Variants in PDE4D observed in about 807,000 individuals in gnomAD.
The protein encoded by PDE4D is phosphodiesterase 4D, also known as 3',5'-cyclic-AMP phosphodiesterase 4D.
PDE4D carries 24 observed loss-of-function variants against 87.4 expected under a neutral mutation model. The ratio of observed to expected loss-of-function variants is 0.27; its 90% CI spans 0.20 to 0.39. The LOEUF (loss-of-function observed/expected upper bound fraction) is 0.39, where lower values mean the gene tolerates loss of function less well. Ranked by LOEUF, PDE4D falls within the 10% of genes least tolerant of loss-of-function variation. PDE4D has a pLI of 1.00. For synonymous variants in PDE4D, 384 were observed against 383.2 expected, an observed-to-expected ratio of 1.00 and a Z score of -0.02; for missense variants, 714 against 1,041.0, an observed-to-expected ratio of 0.69 and a Z score of 4.32.
chr5:60,062,750 T>C (rs1247354489), intron 2 of PDE4D, among the ~76,000 whole-genome samples: 1 of 151,928 alleles, frequency 6.6e-6, no homozygotes, highest in East Asian at 1.9e-4. Flanking sequence ...TAGGAATGAG[T>C]TCATGTCCTT....
At chr5:60,214,562 C>T (rs144611829) in intron 1 of PDE4D, among the ~76,000 whole-genome samples, 115 of 151,998 alleles carry the variant, frequency 7.6e-4, no homozygotes, top group African/African-American at 2.6e-3. Flanking sequence ...TATCTTAATA[C>T]TTGAAGAAGA....
chr5:59,909,499 G>C (rs1229307988), intron 3 of PDE4D, among the ~76,000 whole-genome samples: 3 of 151,734 alleles, frequency 2.0e-5, no homozygotes, highest in Non-Finnish European at 4.4e-5. Context: ...GGCCTCAATC[G>C]ATCCTCCCAC....
intron 1 of PDE4D, among the ~76,000 whole-genome samples, chr5:59,819,784 T>C (rs1471633198): frequency 6.6e-6 from 1 of 152,112 alleles, no homozygotes; most frequent in Non-Finnish European, 1.5e-5. Flanking sequence ...TGAAATTAAG[T>C]GGGAGAGGAG....
intron 2 of PDE4D, among the ~76,000 whole-genome samples, chr5:60,159,060 A>C (rs1398457112): frequency 6.6e-6 from 1 of 152,168 alleles, no homozygotes; most frequent in African/African-American, 2.4e-5. Flanking sequence ...TTATTCTGTA[A>C]GTTTTTTCTA....
intron 1 of PDE4D, among the ~76,000 whole-genome samples, chr5:60,501,821 T>A (rs973923717): frequency 8.5e-5 from 13 of 152,254 alleles, no homozygotes; most frequent in African/African-American, 2.4e-4. Flanking sequence ...TGTCTGTTCG[T>A]GTCCTTCGCC....
rs567557211 is a variant in PDE4D, at chr5:59,214,987, G to A, written c.647+790C>T. Among the ~76,000 whole-genome samples the A allele has an allele frequency of 2.2e-4, 33 of 152,272 alleles. No homozygotes were observed. In the South Asian group the frequency reaches 5.8e-3, roughly 27 times the overall value. On this transcript the variant is annotated intron_variant, in intron 2 of 14. Transcript: ENST00000340635. Reference sequence around the variant, plus strand: ...AGATGGTGAATGTTATTGGACAAATGTATAGACCAAGAGAGAAAGATGAAG... The same window carrying A: ...AGATGGTGAATGTTATTGGACAAATATATAGACCAAGAGAGAAAGATGAAG...
At chr5:59,557,682 T>C (rs1819197125) in intron 1 of PDE4D, among the ~76,000 whole-genome samples, 1 of 152,238 alleles carries the variant, frequency 6.6e-6, no homozygotes, top group Non-Finnish European at 1.5e-5. Context: ...TTGCTGATAC[T>C]GTGAGAGAAT....
intron 1 of PDE4D, among the ~76,000 whole-genome samples, chr5:60,469,409 T>A (rs1438110737): frequency 1.3e-5 from 2 of 152,274 alleles, no homozygotes; most frequent in Admixed American, 6.5e-5. Context: ...TTCTACAGCT[T>A]CTCTCTTAGT....
At chr5:60,065,701 C>T (rs1256233915) in intron 2 of PDE4D, among the ~76,000 whole-genome samples, 1 of 151,984 alleles carries the variant, frequency 6.6e-6, no homozygotes, top group African/African-American at 2.4e-5. Flanking sequence ...CTTTTTTGTC[C>T]TTGCGATAGC....
chr5:59,775,089 T>C (rs980036231), intron 1 of PDE4D, among the ~76,000 whole-genome samples: 5 of 152,168 alleles, frequency 3.3e-5, no homozygotes, highest in Non-Finnish European at 5.9e-5. Context: ...CCTAATATAG[T>C]CATTCTAAAA....
chr5:58,985,376 T>TC (rs1189973338), intron 11 of PDE4D, among the ~76,000 whole-genome samples: 2 of 152,218 alleles, frequency 1.3e-5, no homozygotes, highest in African/African-American at 4.8e-5. Context: ...TTGCAGAACC[T>TC]CCAGCATGCT....
In PDE4D at chr5:59,672,031, A is replaced by G. The variant is rs536554527; in HGVS notation, c.455+221137T>C. Among the ~76,000 whole-genome samples the G allele has an allele frequency of 2.6e-5, 4 of 152,284 alleles. No homozygotes were observed. The East Asian group carries it at 7.7e-4, about 29-fold the overall frequency. On this transcript the variant is annotated intron_variant, in intron 1 of 14. Transcript: ENST00000340635. ...CTGAGTTGCTCGATAACTCTATAGCACACTCTTGAAGATGAGATATTCATG... is the reference window on the plus strand; with the variant it reads ...CTGAGTTGCTCGATAACTCTATAGCGCACTCTTGAAGATGAGATATTCATG...
intron 1 of PDE4D, among the ~76,000 whole-genome samples, chr5:59,682,368 T>C (rs1278391518): frequency 6.6e-6 from 1 of 152,206 alleles, no homozygotes; most frequent in African/African-American, 2.4e-5. Context: ...CAACAGCATC[T>C]ACCTCTGGAT....
intron 1 of PDE4D, among the ~76,000 whole-genome samples, chr5:59,450,758 C>G (rs1282521764): frequency 6.6e-6 from 1 of 152,148 alleles, no homozygotes; most frequent in African/African-American, 2.4e-5. Flanking sequence ...CATCTACTCC[C>G]ACAGTCATCA....
At chr5:60,169,562 A>G (rs992241862) in intron 2 of PDE4D, among the ~76,000 whole-genome samples, 3 of 152,110 alleles carry the variant, frequency 2.0e-5, no homozygotes, top group Non-Finnish European at 4.4e-5. Context: ...TAGAATGGAC[A>G]AAGAGAAAAG....
Position 59,509,061 on chromosome 5 carries a change from C to T in PDE4D, c.456-293093G>A, listed in dbSNP as rs76564068. Among the ~76,000 whole-genome samples, 907 of 152,034 alleles carry T rather than the reference C, an allele frequency of 6.0e-3. 27 individuals carry two copies. The East Asian group carries it at 0.092, about 15-fold the overall frequency. ...AAAATAAATAAAAGACACCAACACT[C>T]ATATTTAGGAATACCAATACATTTT... On this transcript the variant is annotated intron_variant, in intron 1 of 14. Coordinates refer to ENST00000340635, the MANE Select transcript of PDE4D (RefSeq NM_001104631.2).
intron 5 of PDE4D, among the ~76,000 whole-genome samples, chr5:59,115,405 G>A (rs902798608): frequency 1.3e-4 from 20 of 152,030 alleles, no homozygotes; most frequent in African/African-American, 4.8e-4. Flanking sequence ...TTGTTTTCAG[G>A]CCATCAGCTG....
chr5:59,608,210 T>A (rs1317394910), intron 1 of PDE4D, among the ~76,000 whole-genome samples: 1 of 152,118 alleles, frequency 6.6e-6, no homozygotes, highest in Non-Finnish European at 1.5e-5. Flanking sequence ...GTATGTGAAA[T>A]CAGAGAGTGC....
intron 3 of PDE4D, among the ~76,000 whole-genome samples, chr5:59,981,986 T>C (rs1761976315): frequency 2.6e-5 from 4 of 152,220 alleles, no homozygotes; most frequent in Non-Finnish European, 5.9e-5. Flanking sequence ...ATCCAATGTC[T>C]AACTGGCATC....
Sources: gnomAD v4.1 joint callset for allele counts (sites outside exome capture counted in the v4.1 genomes callset) on GRCh38, gnomAD v4.1.1 for gene constraint, MANE v1.5 for transcripts, NCBI Gene and HGNC (gene_info 2026-07-23, HGNC 2026-07-21) for gene names.